Variants in PLD1 observed in about 807,000 individuals in gnomAD.
PLD1 encodes the protein choline phosphatase 1.
PLD1 carries 112 observed loss-of-function variants against 137.1 expected under a neutral mutation model. The ratio of observed to expected loss-of-function variants is 0.82; its 90% CI spans 0.70 to 0.96. PLD1 has a LOEUF of 0.96. Ranked by LOEUF, PLD1 falls within the 40% of genes least tolerant of loss-of-function variation. The pLI, the probability that PLD1 is intolerant of heterozygous loss-of-function variation, is 0.00. For missense variants in PLD1, 1,321 were observed against 1,342.0 expected, an observed-to-expected ratio of 0.98 and a Z score of 0.24; for synonymous variants, 431 against 454.7, an observed-to-expected ratio of 0.95 and a Z score of 0.66.
intron 19 of PLD1, among the ~76,000 whole-genome samples, chr3:171,667,344 CTTTCT>C (rs1350759630): frequency 1.3e-5 from 2 of 152,184 alleles, no homozygotes; most frequent in Non-Finnish European, 2.9e-5. Context: ...TTATCAAGCT[CTTTCT>C]TTTCATAGCC....
intron 16 of PLD1, among the ~76,000 whole-genome samples, chr3:171,682,168 A>AAAGAAAGAAAGAAAGAAAG (rs1241340317): frequency 6.6e-5 from 7 of 105,730 alleles, no homozygotes; most frequent in Admixed American, 1.8e-4. Context: ...AAGAAAGAAA[A>AAAGAAAGAAAGAAAGAAAG]AGAAAGAAAG....
chr3:171,677,605 C>G lies in PLD1; in HGVS notation c.1957G>C (p.Val653Leu), dbSNP rs890068626. Residue 653 changes from valine (V) to leucine (L), a missense_variant, in exon 17 of 27, where the codon GTC (valine) becomes CTC (leucine). By Grantham distance (32) the Val-to-Leu change is conservative (BLOSUM62 1). Coordinates refer to ENST00000351298, the MANE Select transcript of PLD1 (RefSeq NM_002662.5). ...FWHGKDYCNF[V>L]FKDWVQLDKP... Reference sequence around the variant, plus strand: ...TCAAGTTGAACCCAGTCTTTGAAGACGAAATTGCAGTAGTCCTTTCCATGC... The same window carrying G: ...TCAAGTTGAACCCAGTCTTTGAAGAGGAAATTGCAGTAGTCCTTTCCATGC... The G allele has an allele frequency of 6.2e-7, 1 of 1,613,912 alleles. No homozygotes were observed. Among genetic ancestry groups the G allele is most frequent in the African/African-American group, 1.3e-5 (1 of 74,924 alleles).
chr3:171,739,134 A>G (rs1292345292), intron 1 of PLD1, among the ~76,000 whole-genome samples: 2 of 152,124 alleles, frequency 1.3e-5, no homozygotes, highest in Non-Finnish European at 2.9e-5. Flanking sequence ...ATCTAACCCA[A>G]AGTTCACCCC....
rs36106956 is a variant in PLD1 at position 171,711,817 on chromosome 3, TAAAA to T, written c.911+2072_911+2075del. Among the ~76,000 whole-genome samples the T allele has an allele frequency of 2.7e-3, 272 of 99,146 alleles. 7 individuals carry two copies. The highest frequency in any genetic ancestry group is 0.015 in the South Asian group (48 of 3,150). The allele number at this position is 99,146 out of a possible 152,430, so 65.0% of individuals were successfully genotyped here. On this transcript the variant is annotated intron_variant, in intron 9 of 26. Coordinates refer to ENST00000351298, the MANE Select transcript of PLD1 (RefSeq NM_002662.5). Reference sequence around the variant, plus strand: ...TAAACTCTTACAGAGTTATAAATGCTAAAAAAAAAAAAAAAAAAAAAAAAATTCA... The same window carrying T: ...TAAACTCTTACAGAGTTATAAATGCTAAAAAAAAAAAAAAAAAAAAATTCA...
chr3:171,691,241 C>A (rs1378202445), intron 13 of PLD1, among the ~76,000 whole-genome samples: 1 of 152,068 alleles, frequency 6.6e-6, no homozygotes, highest in East Asian at 1.9e-4. Context: ...ATAGTTGGAT[C>A]ATGGTTTCTT....
At chr3:171,646,543 T>C (rs1046077306) in intron 21 of PLD1, among the ~76,000 whole-genome samples, 28 of 152,088 alleles carry the variant, frequency 1.8e-4, no homozygotes, top group African/African-American at 5.8e-4. Context: ...GCATGGATTA[T>C]TCACTAGATG....
At chr3:171,658,595 T>C (rs939890068) in intron 21 of PLD1, among the ~76,000 whole-genome samples, 2 of 152,160 alleles carry the variant, frequency 1.3e-5, no homozygotes, top group African/African-American at 2.4e-5. Flanking sequence ...AATGCCCAGA[T>C]TAGGCAAATC....
At chr3:171,738,309 A>G (rs1280233267) in intron 1 of PLD1, among the ~76,000 whole-genome samples, 1 of 152,050 alleles carries the variant, frequency 6.6e-6, no homozygotes, top group African/African-American at 2.4e-5. Flanking sequence ...AAGAGAAAAA[A>G]AAAAGAAAAA....
intron 16 of PLD1, among the ~76,000 whole-genome samples, chr3:171,685,918 A>G (rs1156995719): frequency 6.6e-6 from 1 of 152,136 alleles, no homozygotes; most frequent in South Asian, 2.1e-4. Context: ...CAGGGGTTCA[A>G]CACAAGCCTG....
intron 19 of PLD1, among the ~76,000 whole-genome samples, chr3:171,673,768 C>T (rs1713040636): frequency 6.6e-6 from 1 of 152,198 alleles, no homozygotes; most frequent in Non-Finnish European, 1.5e-5. Flanking sequence ...CAGTAGCAGA[C>T]TGCTGGACTT....
chr3:171,778,343 T>C (rs546454958), intron 1 of PLD1, among the ~76,000 whole-genome samples: 60 of 152,300 alleles, frequency 3.9e-4, no homozygotes, highest in African/African-American at 1.4e-3. Flanking sequence ...AACTTCTATC[T>C]TCAGGGAGTT....
At chr3:171,781,708 G>A (rs748035258) in intron 1 of PLD1, among the ~76,000 whole-genome samples, 2 of 152,100 alleles carry the variant, frequency 1.3e-5, no homozygotes, top group Non-Finnish European at 2.9e-5. Context: ...CCACCAGAAC[G>A]AGTAAACATT....
intron 24 of PLD1, among the ~76,000 whole-genome samples, chr3:171,618,713 AGTGTGTATGTGT>A (rs1338430495): frequency 5.9e-5 from 8 of 134,738 alleles, no homozygotes; most frequent in African/African-American, 9.0e-5. Flanking sequence ...AAATATTAAA[AGTGTGTATGTGT>A]GTGTGTGTGT....
At chr3:171,690,630 C>T (rs578010680) in intron 13 of PLD1, among the ~76,000 whole-genome samples, 4 of 152,064 alleles carry the variant, frequency 2.6e-5, no homozygotes, top group Non-Finnish European at 5.9e-5. Flanking sequence ...TATTTAATTT[C>T]CACAAATTTG....
intron 23 of PLD1, among the ~76,000 whole-genome samples, chr3:171,623,855 C>A (rs949898641): frequency 1.3e-5 from 2 of 151,862 alleles, no homozygotes; most frequent in African/African-American, 2.4e-5. Context: ...GATAAAACTC[C>A]AAATTTTTTT....
At chr3:171,776,510 GA>G (rs1722595349) in intron 1 of PLD1, among the ~76,000 whole-genome samples, 1 of 152,228 alleles carries the variant, frequency 6.6e-6, no homozygotes, top group Admixed American at 6.5e-5. Flanking sequence ...AACCAAGACA[GA>G]AGACTTTACT....
intron 8 of PLD1, among the ~76,000 whole-genome samples, chr3:171,715,405 G>A (rs1477269110): frequency 6.6e-6 from 1 of 152,088 alleles, no homozygotes; most frequent in Non-Finnish European, 1.5e-5. Flanking sequence ...TCTAGCTTTG[G>A]TTTGTTTTTT....
chr3:171,789,935 G>T (rs1031405815), intron 1 of PLD1: 1 of 152,220 alleles, frequency 6.6e-6, no homozygotes, highest in Non-Finnish European at 1.5e-5. Flanking sequence ...AGGCTTCCAC[G>T]TAGGGTCAAA....
rs62281885 is a variant in PLD1 at position 171,764,488 on chromosome 3, A to T, written c.-31-26406T>A. Among the ~76,000 whole-genome samples the T allele has an allele frequency of 1.7e-3, 259 of 152,306 alleles. 1 individual carries two copies. Among genetic ancestry groups the T allele is most frequent in the South Asian group, 5.0e-3 (24 of 4,832 alleles). On this transcript the variant is annotated intron_variant, in intron 1 of 26. Transcript: ENST00000351298. ...TTGCTCAAGGTCACAACTAATAAGC[A>T]ATGATCTAACCCAGTAATTTTGCAA...
Sources: gnomAD v4.1 joint callset for allele counts (sites outside exome capture counted in the v4.1 genomes callset) on GRCh38, gnomAD v4.1.1 for gene constraint, MANE v1.5 for transcripts, NCBI Gene and HGNC (gene_info 2026-07-23, HGNC 2026-07-21) for gene names.